HDAC9: variants seen among roughly 807,000 people sequenced by gnomAD.
The protein encoded by HDAC9 is MEF-2 interacting transcription repressor (MITR) protein.
In HDAC9, 41 loss-of-function variants were observed where a neutral mutation model predicts 139.4. That is an observed-to-expected ratio of 0.29 (90% confidence interval 0.23 to 0.38). The LOEUF (loss-of-function observed/expected upper bound fraction) is 0.38. Ranked by LOEUF, HDAC9 falls within the 10% of genes least tolerant of loss-of-function variation. The pLI, the probability that HDAC9 is intolerant of heterozygous loss-of-function variation, is 1.00. For synonymous variants in HDAC9, 517 were observed against 476.2 expected, an observed-to-expected ratio of 1.09 and a Z score of -1.12; for missense variants, 1,147 against 1,297.0, an observed-to-expected ratio of 0.88 and a Z score of 1.78.
chr7:18,209,462 G>T (rs1465256865), intron 2 of HDAC9, among the ~76,000 whole-genome samples: 3 of 152,122 alleles, frequency 2.0e-5, no homozygotes, highest in African/African-American at 7.2e-5. Context: ...TTTTACTTAA[G>T]ATATAGTCTT....
At chr7:18,217,194 A>G (rs1485025912) in intron 2 of HDAC9, among the ~76,000 whole-genome samples, 2 of 152,126 alleles carry the variant, frequency 1.3e-5, no homozygotes, top group African/African-American at 4.8e-5. Flanking sequence ...ATTAAAATTC[A>G]TTCTTTAACA....
intron 21 of HDAC9, among the ~76,000 whole-genome samples, chr7:18,838,619 T>C (rs529703395): frequency 5.1e-4 from 78 of 152,204 alleles, no homozygotes; most frequent in African/African-American, 1.8e-3. Context: ...TCAGATAGAC[T>C]GCCAAATAAT....
chr7:18,701,737 A>G (rs1562865002), intron 12 of HDAC9, among the ~76,000 whole-genome samples: 2 of 152,246 alleles, frequency 1.3e-5, no homozygotes, highest in Non-Finnish European at 2.9e-5. Context: ...TGAACAGGGA[A>G]CATCCATTAC....
At chr7:18,688,878 G>C (rs1425753778) in intron 12 of HDAC9, among the ~76,000 whole-genome samples, 1 of 151,910 alleles carries the variant, frequency 6.6e-6, no homozygotes, top group Non-Finnish European at 1.5e-5. Context: ...TTGGGCTGTT[G>C]TTAGCTACCT....
chr7:18,365,629 G>A (rs1260685448), intron 1 of HDAC9, among the ~76,000 whole-genome samples: 1 of 112,780 alleles, frequency 8.9e-6, no homozygotes, highest in African/African-American at 3.2e-5. Context: ...GACTTTTATA[G>A]TCTTTATGAC....
chr7:18,532,415 T>G (rs1809330852), intron 2 of HDAC9, among the ~76,000 whole-genome samples: 1 of 152,240 alleles, frequency 6.6e-6, no homozygotes, highest in Non-Finnish European at 1.5e-5. Context: ...TTTGATTATT[T>G]CTGGATACAG....
intron 1 of HDAC9, among the ~76,000 whole-genome samples, chr7:18,479,739 A>G (rs576756958): frequency 6.6e-6 from 1 of 151,726 alleles, no homozygotes; most frequent in Admixed American, 6.5e-5. Context: ...ATTGTCCTTT[A>G]TCTATTACTT....
rs1204924040 is a variant in HDAC9 at position 18,932,738 on chromosome 7, G to A, written c.2804-3071G>A. ...ATCTTAGCTTTTGCCACCAATAAAG[G>A]GAATTTCCGAAAGAAAGTTTCAGAG... On this transcript the variant is annotated intron_variant, in intron 22 of 25. Coordinates refer to ENST00000686413, the MANE Select transcript of HDAC9 (RefSeq NM_178425.4). Among the ~76,000 whole-genome samples, 3 of 150,684 alleles carry A rather than the reference G, an allele frequency of 2.0e-5. No individual in the cohort carries two copies. The East Asian group carries it at 5.8e-4, about 29-fold the overall frequency.
intron 14 of HDAC9, among the ~76,000 whole-genome samples, chr7:18,757,874 A>G (rs1789022375): frequency 6.6e-6 from 1 of 152,168 alleles, no homozygotes; most frequent in Non-Finnish European, 1.5e-5. Context: ...TTCTTTAAGA[A>G]AGAACCATGG....
chr7:18,725,242 A>G (rs1352370294), intron 12 of HDAC9, among the ~76,000 whole-genome samples: 1 of 152,212 alleles, frequency 6.6e-6, no homozygotes, highest in East Asian at 1.9e-4. Context: ...ATATATGCCA[A>G]TGTAGGCTTA....
At chr7:18,507,472 C>T (rs369622603) in intron 2 of HDAC9, among the ~76,000 whole-genome samples, 1 of 151,208 alleles carries the variant, frequency 6.6e-6, no homozygotes, top group Non-Finnish European at 1.5e-5. Context: ...GAATTACAGG[C>T]GTGAGCCACC....
chr7:18,091,313 G>A (rs151073097), intron 1 of HDAC9, among the ~76,000 whole-genome samples: 1 of 152,324 alleles, frequency 6.6e-6, no homozygotes, highest in Non-Finnish European at 1.5e-5. Context: ...ACCAGAGAGA[G>A]TATAACGTGT....
intron 13 of HDAC9, among the ~76,000 whole-genome samples, chr7:18,748,718 A>T (rs1788190498): frequency 6.6e-6 from 1 of 152,228 alleles, no homozygotes; most frequent in Non-Finnish European, 1.5e-5. Flanking sequence ...GTATATTTTA[A>T]AATCTGAAGT....
intron 2 of HDAC9, among the ~76,000 whole-genome samples, chr7:18,272,996 CTCTTCT>C (rs1288406123): frequency 1.4e-5 from 2 of 139,776 alleles, no homozygotes; most frequent in Admixed American, 6.9e-5. Flanking sequence ...CCTCCTCCTC[CTCTTCT>C]TCTTCTTCTT....
intron 2 of HDAC9, among the ~76,000 whole-genome samples, chr7:18,566,994 C>T (rs138684756): frequency 1.3e-5 from 2 of 152,262 alleles, no homozygotes; most frequent in East Asian, 1.9e-4. Flanking sequence ...TCAAGTGTGT[C>T]GCAAGGCCTA....
chr7:18,653,977 C>G (rs902603164), intron 11 of HDAC9, among the ~76,000 whole-genome samples: 7 of 152,054 alleles, frequency 4.6e-5, no homozygotes, highest in Non-Finnish European at 1.0e-4. Flanking sequence ...ACAAACATAG[C>G]ATGCATGCCT....
intron 2 of HDAC9, among the ~76,000 whole-genome samples, chr7:18,499,229 T>C (rs779618197): frequency 3.3e-5 from 5 of 152,138 alleles, no homozygotes; most frequent in Admixed American, 1.3e-4. Context: ...GTAATTTCTT[T>C]AGCAATTGCA....
chr7:18,843,024 G>A (rs545455309), intron 21 of HDAC9, among the ~76,000 whole-genome samples: 10 of 152,020 alleles, frequency 6.6e-5, no homozygotes, highest in African/African-American at 9.6e-5. Flanking sequence ...TTAAAAGGTC[G>A]GATCAGCTAT....
intron 2 of HDAC9, among the ~76,000 whole-genome samples, chr7:18,526,837 A>G (rs988367609): frequency 9.9e-5 from 15 of 152,180 alleles, no homozygotes; most frequent in African/African-American, 3.4e-4. Context: ...AGCATGGAGC[A>G]TAGTAACTAA....
Sources: allele counts gnomAD v4.1 joint callset (sites outside exome capture counted in the v4.1 genomes callset), GRCh38; gene constraint gnomAD v4.1.1; transcripts MANE v1.5; gene names NCBI Gene and HGNC (gene_info 2026-07-23, HGNC 2026-07-21).